Variants in PLD5 observed in about 807,000 individuals in gnomAD.
The protein encoded by PLD5 is inactive phospholipase D5.
In PLD5, 36 loss-of-function variants were observed where a neutral mutation model predicts 61.1. That is an observed-to-expected ratio of 0.59 (90% CI 0.45 to 0.78). PLD5 has a LOEUF of 0.78. Ranked by LOEUF, PLD5 falls within the 30% of genes least tolerant of loss-of-function variation. PLD5 has a pLI of 0.00. For missense variants in PLD5, 515 were observed against 644.4 expected (o/e 0.80, Z 2.17); for synonymous variants, 243 against 242.8 (o/e 1.00, Z -0.01).
chr1:242,121,187 A>G (rs1328038158), intron 6 of PLD5, among the ~76,000 whole-genome samples: 1 of 152,214 alleles, frequency 6.6e-6, no homozygotes, highest in African/African-American at 2.4e-5. Context: ...TACTACTAAT[A>G]AAACCTATCC....
intron 1 of PLD5, among the ~76,000 whole-genome samples, chr1:242,505,620 T>C (rs1402928296): frequency 6.6e-6 from 1 of 152,068 alleles, no homozygotes; most frequent in Non-Finnish European, 1.5e-5. Context: ...CTCATGGGAG[T>C]TTAAGGTTCC....
intron 3 of PLD5, among the ~76,000 whole-genome samples, chr1:242,272,728 G>T (rs1199130771): frequency 6.6e-6 from 1 of 151,996 alleles, no homozygotes; most frequent in South Asian, 2.1e-4. Context: ...GCAAAACCAT[G>T]AAAGGAGGCA....
intron 4 of PLD5, among the ~76,000 whole-genome samples, chr1:242,246,391 A>G (rs1315080265): frequency 6.6e-6 from 1 of 151,920 alleles, no homozygotes; most frequent in Non-Finnish European, 1.5e-5. Context: ...TAACTCACAG[A>G]GGTCACACAA....
At chr1:242,265,822 C>T (rs1173649763) in intron 3 of PLD5, among the ~76,000 whole-genome samples, 2 of 152,118 alleles carry the variant, frequency 1.3e-5, no homozygotes, top group African/African-American at 2.4e-5. Context: ...GCTGGTTTTC[C>T]AATTTAAAAG....
chr1:242,304,769 C>T (rs1256043774), intron 2 of PLD5, among the ~76,000 whole-genome samples: 1 of 152,140 alleles, frequency 6.6e-6, no homozygotes. Context: ...CAGATTTCTT[C>T]ATTGAATGTT....
chr1:242,146,224 C>T (rs923168626), intron 5 of PLD5, among the ~76,000 whole-genome samples: 3 of 152,168 alleles, frequency 2.0e-5, no homozygotes, highest in Non-Finnish European at 4.4e-5. Context: ...GCTCACAGTT[C>T]GCTTTCTTTT....
chr1:242,474,821 A>G (rs1349729116), intron 1 of PLD5, among the ~76,000 whole-genome samples: 1 of 152,186 alleles, frequency 6.6e-6, no homozygotes. Context: ...CACACCTGAA[A>G]TCACCTTCTC....
intron 1 of PLD5, among the ~76,000 whole-genome samples, chr1:242,450,238 G>T (rs1263714438): frequency 6.6e-6 from 1 of 152,188 alleles, no homozygotes; most frequent in African/African-American, 2.4e-5. Flanking sequence ...GGACTCTTTA[G>T]AATAATAGTA....
At chr1:242,497,975 T>A (rs1668426790) in intron 1 of PLD5, among the ~76,000 whole-genome samples, 2 of 152,188 alleles carry the variant, frequency 1.3e-5, no homozygotes, top group African/African-American at 2.4e-5. Context: ...ATTTATTTAA[T>A]TTTTTTTGAG....
At chr1:242,467,445 G>A (rs1031998006) in intron 1 of PLD5, among the ~76,000 whole-genome samples, 1 of 152,080 alleles carries the variant, frequency 6.6e-6, no homozygotes, top group Non-Finnish European at 1.5e-5. Context: ...GAAAAGAAAG[G>A]CTTTGTGGTT....
chr1:242,476,810 C>T (rs536470264), intron 1 of PLD5, among the ~76,000 whole-genome samples: 1 of 152,176 alleles, frequency 6.6e-6, no homozygotes, highest in African/African-American at 2.4e-5. Context: ...GAAGGACTTC[C>T]TGGGAAAATA....
At chr1:242,424,977 C>T (rs1236265424) in intron 1 of PLD5, among the ~76,000 whole-genome samples, 1 of 152,064 alleles carries the variant, frequency 6.6e-6, no homozygotes, top group Non-Finnish European at 1.5e-5. Context: ...ACTAAAAATA[C>T]AACAATTAGC....
intron 7 of PLD5, among the ~76,000 whole-genome samples, chr1:242,112,323 G>T (rs1215026011): frequency 5.0e-5 from 4 of 80,632 alleles, no homozygotes; most frequent in African/African-American, 2.7e-4. Context: ...GTGTGTGTGT[G>T]TATGTATGTA....
intron 6 of PLD5, among the ~76,000 whole-genome samples, chr1:242,116,965 G>T (rs1279985921): frequency 6.6e-6 from 1 of 151,964 alleles, no homozygotes; most frequent in African/African-American, 2.4e-5. Flanking sequence ...GGGTTTCCTG[G>T]GTCTGTCCCT....
At chr1:242,458,809 C>T (rs7542412) in intron 1 of PLD5, among the ~76,000 whole-genome samples, 3 of 152,056 alleles carry the variant, frequency 2.0e-5, no homozygotes, top group East Asian at 3.9e-4. Context: ...GAGCCAGAGA[C>T]GGTATTTGGC....
At chr1:242,154,383 A>G (rs71648688) in intron 5 of PLD5, among the ~76,000 whole-genome samples, 12,978 of 152,066 alleles carry the variant, frequency 0.085, 746 homozygotes, top group South Asian at 0.21. Context: ...TACTATGTTG[A>G]ATAGGAGTGG....
At chr1:242,514,788 G>C (rs74422913) in intron 1 of PLD5, among the ~76,000 whole-genome samples, 2,271 of 152,156 alleles carry the variant, frequency 0.015, 66 homozygotes, top group African/African-American at 0.053. Context: ...AAGCAGATGG[G>C]GAGGTGAGGA....
intron 5 of PLD5, among the ~76,000 whole-genome samples, chr1:242,151,549 T>C (rs1002642426): frequency 6.6e-6 from 1 of 152,074 alleles, no homozygotes; most frequent in Admixed American, 6.6e-5. Context: ...TATTCCTATA[T>C]GTAATATATT....
chr1:242,502,036 T>A lies in PLD5; in HGVS notation c.189+22052A>T, dbSNP rs1218795063. On this transcript the variant is annotated intron_variant, in intron 1 of 9. Coordinates refer to ENST00000536534, the MANE Select transcript of PLD5 (RefSeq NM_001372062.1). ...AATAGCTGGAGATGCTAAGACACAG[T>A]TTCTTGTTAATCTTATCTACTCTTA... Among the ~76,000 whole-genome samples the A allele has an allele frequency of 2.6e-5, 4 of 151,978 alleles. No homozygotes were observed. The East Asian group carries it at 7.7e-4, about 29-fold the overall frequency.
Sources: gnomAD v4.1 joint callset for allele counts (sites outside exome capture counted in the v4.1 genomes callset) on GRCh38, gnomAD v4.1.1 for gene constraint, MANE v1.5 for transcripts, NCBI Gene and HGNC (gene_info 2026-07-23, HGNC 2026-07-21) for gene names.